The following SCAMP1 variants were observed in gnomAD, a reference collection of about 807,000 sequenced individuals.
SCAMP1 encodes secretory carrier membrane protein 1, also known as secretory carrier-associated membrane protein 1.
A neutral mutation model predicts 41.8 loss-of-function variants in SCAMP1; 15 were observed. The observed-to-expected ratio is 0.36, with a 90% CI of 0.24 to 0.55. The LOEUF is 0.55. Ranked by LOEUF, SCAMP1 falls within the 20% of genes least tolerant of loss-of-function variation. The pLI, the probability that SCAMP1 is intolerant of heterozygous loss-of-function variation, is 0.86. For missense variants in SCAMP1, 341 were observed against 412.6 expected (o/e 0.83, Z 1.50); for synonymous variants, 135 against 136.8 (o/e 0.99, Z 0.09).
At chr5:78,469,908 AAAAAC>A (rs1753836241) in intron 8 of SCAMP1, among the ~76,000 whole-genome samples, 1 of 38,458 alleles carries the variant, frequency 2.6e-5, no homozygotes, top group Non-Finnish European at 5.0e-5. Context: ...AAAAAAAAAA[AAAAAC>A]AAAAAAAAAA....
Position 78,360,721 on chromosome 5 carries a change from C to T in SCAMP1, c.50C>T (p.Pro17Leu). The T allele has an allele frequency of 6.2e-7, 1 of 1,608,856 alleles. No homozygotes were observed. Among genetic ancestry groups the T allele is most frequent in the East Asian group, 2.2e-5 (1 of 44,452 alleles). Residue 17 changes from proline to leucine, a missense_variant, in exon 1 of 9, where the codon CCC becomes CTC. Physicochemically the swap from Pro to Leu is moderately conservative, Grantham distance 98 (BLOSUM62 -3). Coordinates refer to ENST00000621999, the MANE Select transcript of SCAMP1 (RefSeq NM_004866.6). ...TTTGCCGACCCGGATCTCAACAATCCCTTCAAGGTGAGCTTCGGCCCCAGC... is the reference window on the plus strand; with the variant it reads ...TTTGCCGACCCGGATCTCAACAATCTCTTCAAGGTGAGCTTCGGCCCCAGC... ...NPFADPDLNN[P>L]FKDPSVTQVT...
chr5:78,467,122 AT>A (rs1753768528), intron 8 of SCAMP1, among the ~76,000 whole-genome samples: 1 of 152,188 alleles, frequency 6.6e-6, no homozygotes, highest in Non-Finnish European at 1.5e-5. Flanking sequence ...TTTTGTATAT[AT>A]GAGTTAGGAG....
intron 6 of SCAMP1, among the ~76,000 whole-genome samples, chr5:78,447,529 G>A (rs895257441): frequency 1.3e-5 from 2 of 152,048 alleles, no homozygotes; most frequent in African/African-American, 4.8e-5. Flanking sequence ...AAGAAATGCT[G>A]CTAGAACAAT....
chr5:78,403,737 G>A (rs370542994), intron 2 of SCAMP1, among the ~76,000 whole-genome samples: 13 of 151,832 alleles, frequency 8.6e-5, no homozygotes, highest in African/African-American at 2.4e-4. Context: ...AGGCTGAGGC[G>A]GGCGAATCAC....
At chr5:78,449,405 A>G (rs1305306100) in intron 6 of SCAMP1, among the ~76,000 whole-genome samples, 1 of 152,170 alleles carries the variant, frequency 6.6e-6, no homozygotes, top group Middle Eastern at 3.2e-3. Flanking sequence ...AAAAGACTAC[A>G]TAATATATGA....
At chr5:78,385,024 T>C (rs1389575094) in intron 1 of SCAMP1, among the ~76,000 whole-genome samples, 2 of 152,214 alleles carry the variant, frequency 1.3e-5, no homozygotes, top group African/African-American at 4.8e-5. Flanking sequence ...ATAGGATTGA[T>C]ACCAATTCTT....
intron 2 of SCAMP1, among the ~76,000 whole-genome samples, chr5:78,413,025 G>T (rs1396922498): frequency 6.6e-6 from 1 of 152,090 alleles, no homozygotes; most frequent in African/African-American, 2.4e-5. Flanking sequence ...AGAAGCTCAA[G>T]AAATATTCAT....
At chr5:78,427,856 A>G (rs534713824) in intron 6 of SCAMP1, among the ~76,000 whole-genome samples, 4 of 152,220 alleles carry the variant, frequency 2.6e-5, no homozygotes, top group South Asian at 4.1e-4. Context: ...GTTCAAGTTT[A>G]TTGTCTATTT....
At position 78,459,314 on chromosome 5, in the gene SCAMP1, A is replaced by G. The variant is rs1424672642; in HGVS notation, c.804A>G (p.Ala268=). ...TTGGAATCATGATGATAATCATAGCAGCACTTTTCACAGCATCAGCAGTCA... is the reference window on the plus strand; with the variant it reads ...TTGGAATCATGATGATAATCATAGCGGCACTTTTCACAGCATCAGCAGTCA... ...IPVGIMMIII[A]ALFTASAVIS... is the part of the protein sequence containing the mutation. The change falls in exon 8 of 9, where the codon GCA becomes GCG. Residue 268 remains alanine, a synonymous_variant. Coordinates refer to ENST00000621999, the MANE Select transcript of SCAMP1 (RefSeq NM_004866.6). The G allele has an allele frequency of 2.5e-6, 4 of 1,608,562 alleles. No homozygotes were observed. The South Asian group carries it at 4.4e-5, about 18-fold the overall frequency.
intron 6 of SCAMP1, among the ~76,000 whole-genome samples, chr5:78,428,527 T>C (rs536491384): frequency 9.8e-5 from 15 of 152,302 alleles, no homozygotes; most frequent in African/African-American, 3.6e-4. Context: ...AATGTTAATG[T>C]TGCTTTATAG....
At chr5:78,458,482 G>C (rs186888648) in intron 7 of SCAMP1, among the ~76,000 whole-genome samples, 1 of 151,990 alleles carries the variant, frequency 6.6e-6, no homozygotes, top group African/African-American at 2.4e-5. Flanking sequence ...TTTGTATTCT[G>C]TTGAGCTTTG....
rs1163954370 is a variant in SCAMP1 at position 78,455,665 on chromosome 5, T to C, written c.735-3580T>C. Among the ~76,000 whole-genome samples, 256 of 133,348 alleles carry C rather than the reference T, an allele frequency of 1.9e-3. 1 individual carries two copies. Among genetic ancestry groups the C allele is most frequent in the African/African-American group, 6.9e-3 (237 of 34,582 alleles). 87.5% of individuals were successfully genotyped at this position (133,348 alleles called of 152,430 possible). ...CTGAAAAAAATGTATATTCTGTTGA[T>C]TTGGGGTGGAGAGTTCTGTAGATGT... On this transcript the variant is annotated intron_variant, in intron 7 of 8. Transcript: ENST00000621999.
intron 1 of SCAMP1, among the ~76,000 whole-genome samples, chr5:78,377,562 T>G (rs1751096819): frequency 6.6e-6 from 1 of 152,202 alleles, no homozygotes; most frequent in African/African-American, 2.4e-5. Context: ...TGTAGCCAAG[T>G]TAATAGGGTC....
intron 1 of SCAMP1, chr5:78,370,546 GCTTTT>G (rs1750916957): frequency 6.6e-6 from 1 of 152,226 alleles, no homozygotes; most frequent in Non-Finnish European, 1.5e-5. Flanking sequence ...GGCTTTGGGT[GCTTTT>G]CAGAATTAGT....
At chr5:78,414,856 A>G (rs1752170818) in intron 2 of SCAMP1, among the ~76,000 whole-genome samples, 1 of 152,140 alleles carries the variant, frequency 6.6e-6, no homozygotes, top group African/African-American at 2.4e-5. Flanking sequence ...TCTTCAGAGC[A>G]CTGGCATGTA....
intron 1 of SCAMP1, among the ~76,000 whole-genome samples, chr5:78,386,651 G>A (rs1184004162): frequency 6.6e-6 from 1 of 151,884 alleles, no homozygotes; most frequent in East Asian, 1.9e-4. Context: ...TGTAGTGCTG[G>A]CTTTGTAGTG....
At chr5:78,451,100 G>A (rs956133876) in intron 7 of SCAMP1, among the ~76,000 whole-genome samples, 2 of 151,874 alleles carry the variant, frequency 1.3e-5, no homozygotes, top group Non-Finnish European at 2.9e-5. Flanking sequence ...AATTTCTTTC[G>A]CTTTTTAGCA....
chr5:78,440,155 C>T (rs745506879), intron 6 of SCAMP1, among the ~76,000 whole-genome samples: 2 of 152,160 alleles, frequency 1.3e-5, no homozygotes, highest in African/African-American at 4.8e-5. Flanking sequence ...GAACATCCTC[C>T]TTTAGCTCGG....
intron 8 of SCAMP1, 92 bp downstream of exon 8, chr5:78,459,454 C>T (rs1753527193): frequency 3.0e-6 from 2 of 659,382 alleles, no homozygotes; most frequent in East Asian, 2.9e-5. Context: ...AACCTGAAGC[C>T]ATTTTATCGT....
Sources: allele counts gnomAD v4.1 joint callset (sites outside exome capture counted in the v4.1 genomes callset), GRCh38; gene constraint gnomAD v4.1.1; transcripts MANE v1.5; gene names NCBI Gene and HGNC (gene_info 2026-07-23, HGNC 2026-07-21).